The following AGBL1 variants were observed in gnomAD, a reference collection of about 807,000 sequenced individuals.
AGBL1 encodes the protein cytosolic carboxypeptidase 4.
In AGBL1, 130 loss-of-function variants were observed where a neutral mutation model predicts 118.9. That is an observed-to-expected ratio of 1.09 (90% CI 0.95 to 1.26). The LOEUF (loss-of-function observed/expected upper bound fraction) is 1.26. AGBL1 is among the 50% of genes most tolerant of loss of function. The pLI, the probability that AGBL1 is intolerant of heterozygous loss-of-function variation, is 0.00. For synonymous variants in AGBL1, 555 were observed against 478.9 expected (o/e 1.16, Z -2.08); for missense variants, 1,584 against 1,298.1 (o/e 1.22, Z -3.38).
chr15:86,593,162 G>A (rs1258409099), intron 21 of AGBL1, among the ~76,000 whole-genome samples: 7 of 152,092 alleles, frequency 4.6e-5, no homozygotes, highest in Non-Finnish European at 1.5e-5. Context: ...CCTTCATGCT[G>A]CTGCTTTTTC....
chr15:86,859,594 T>C (rs1277560975), intron 22 of AGBL1, among the ~76,000 whole-genome samples: 1 of 152,176 alleles, frequency 6.6e-6, no homozygotes, highest in Non-Finnish European at 1.5e-5. Flanking sequence ...GGTAAGGCAT[T>C]CTGCTATCTG....
chr15:86,837,468 C>A (rs544783063), intron 22 of AGBL1, among the ~76,000 whole-genome samples: 4 of 152,244 alleles, frequency 2.6e-5, no homozygotes, highest in Admixed American at 2.0e-4. Context: ...ACAGCCACAG[C>A]CTTTTGTTTA....
In AGBL1 at chr15:86,661,292, CGCTGT is replaced by C. The variant is rs150831072; in HGVS notation, c.2995-12977_2995-12973del. Among the ~76,000 whole-genome samples, 378 of 152,172 alleles carry C rather than the reference CGCTGT, an allele frequency of 2.5e-3. 1 individual carries two copies. Among genetic ancestry groups the C allele is most frequent in the African/African-American group, 8.7e-3 (360 of 41,544 alleles). On this transcript the variant is annotated intron_variant, in intron 21 of 22. Transcript: ENST00000614907. ...CTCTAAAATGACACCCTGTACCAAACGCTGTGCTAGAGATGTAGAAATAAAGGCAA... is the reference window on the plus strand; with the variant it reads ...CTCTAAAATGACACCCTGTACCAAACGCTAGAGATGTAGAAATAAAGGCAA...
intron 21 of AGBL1, among the ~76,000 whole-genome samples, chr15:86,592,282 G>A (rs1169633022): frequency 2.0e-5 from 3 of 152,154 alleles, no homozygotes; most frequent in Admixed American, 6.5e-5. Context: ...CAGCAAACTC[G>A]ATTCTTGCCT....
At chr15:86,182,739 G>A (rs146458646) in intron 5 of AGBL1, among the ~76,000 whole-genome samples, 186 of 152,098 alleles carry the variant, frequency 1.2e-3, no homozygotes, top group Non-Finnish European at 2.3e-3. Flanking sequence ...AAGTCACATT[G>A]GATTATGCTG....
intron 18 of AGBL1, among the ~76,000 whole-genome samples, chr15:86,407,544 C>A (rs970280237): frequency 6.6e-6 from 1 of 152,080 alleles, no homozygotes; most frequent in African/African-American, 2.4e-5. Flanking sequence ...AAGGTCATTC[C>A]AGAACAGAAA....
At chr15:86,563,464 T>G (rs2083861604) in intron 21 of AGBL1, among the ~76,000 whole-genome samples, 1 of 152,132 alleles carries the variant, frequency 6.6e-6, no homozygotes, top group Admixed American at 6.5e-5. Context: ...TTGAGTGAGT[T>G]TTTAATCCTG....
At chr15:86,284,861 C>A (rs1237813188) in intron 16 of AGBL1, among the ~76,000 whole-genome samples, 3 of 152,274 alleles carry the variant, frequency 2.0e-5, no homozygotes, top group South Asian at 4.1e-4. Flanking sequence ...CAGGATGAGG[C>A]TGCAGGCTAA....
At chr15:86,270,623 C>T (rs564138731) in intron 14 of AGBL1, among the ~76,000 whole-genome samples, 1 of 152,256 alleles carries the variant, frequency 6.6e-6, no homozygotes, top group Admixed American at 6.5e-5. Context: ...TGCTGGGTGG[C>T]TTTGAATGAG....
At chr15:86,716,061 G>A (rs1378209990) in intron 22 of AGBL1, among the ~76,000 whole-genome samples, 8 of 106,430 alleles carry the variant, frequency 7.5e-5, no homozygotes, top group Non-Finnish European at 1.2e-4. Flanking sequence ...GCAAGACTCC[G>A]TCTCAAAAAA....
rs142282723 is a variant in AGBL1 at position 86,841,229 on chromosome 15, C to T, written c.3159-65858C>T. Among the ~76,000 whole-genome samples the T allele has an allele frequency of 2.5e-3, 377 of 152,234 alleles. 2 individuals are homozygous for T. Among genetic ancestry groups the T allele is most frequent in the African/African-American group, 8.6e-3 (357 of 41,540 alleles). On this transcript the variant is annotated intron_variant, in intron 22 of 22. Coordinates refer to ENST00000614907, the MANE Select transcript of AGBL1 (RefSeq NM_001386094.1). Reference sequence around the variant, plus strand: ...CCAAACAGATAAAATACAAGTGTTGCTGAGACCACCCAGGCATGTATCATT... The same window carrying T: ...CCAAACAGATAAAATACAAGTGTTGTTGAGACCACCCAGGCATGTATCATT...
chr15:86,460,483 G>A (rs1159674076), intron 18 of AGBL1, among the ~76,000 whole-genome samples: 1 of 151,724 alleles, frequency 6.6e-6, no homozygotes, highest in Non-Finnish European at 1.5e-5. Context: ...GCAACACACA[G>A]AACAATCCCT....
intron 22 of AGBL1, among the ~76,000 whole-genome samples, chr15:86,719,890 G>C (rs934361877): frequency 6.6e-6 from 1 of 152,200 alleles, no homozygotes; most frequent in Non-Finnish European, 1.5e-5. Context: ...GCACATGCTA[G>C]TGCTCTCTTG....
chr15:86,861,424 G>A (rs2079557526), intron 22 of AGBL1, among the ~76,000 whole-genome samples: 1 of 152,114 alleles, frequency 6.6e-6, no homozygotes, highest in South Asian at 2.1e-4. Context: ...TTTTGAGTTA[G>A]GTTATGTTAT....
intron 17 of AGBL1, among the ~76,000 whole-genome samples, chr15:86,337,638 T>A (rs549688328): frequency 6.6e-6 from 1 of 152,126 alleles, no homozygotes; most frequent in East Asian, 1.9e-4. Flanking sequence ...TTCCGACTTA[T>A]AAGTGGGAGC....
chr15:86,093,211 T>A (rs1896147455), intron 1 of AGBL1, among the ~76,000 whole-genome samples: 1 of 152,180 alleles, frequency 6.6e-6, no homozygotes, highest in Non-Finnish European at 1.5e-5. Context: ...CATAGAGCCA[T>A]TCTTCAACTC....
Position 86,632,334 on chromosome 15 carries a change from G to A in AGBL1, c.2995-41939G>A, listed in dbSNP as rs143595757. Among the ~76,000 whole-genome samples, 981 of 150,742 alleles carry A rather than the reference G, an allele frequency of 6.5e-3. 5 individuals carry two copies. Among genetic ancestry groups the A allele is most frequent in the South Asian group, 0.029 (137 of 4,768 alleles). On this transcript the variant is annotated intron_variant, in intron 21 of 22. Coordinates refer to ENST00000614907, the MANE Select transcript of AGBL1 (RefSeq NM_001386094.1). ...TGGCTTATGCCTGTAATCCAGCACT[G>A]TGGGAGACTGAGGCAGGGAAATCGC...
chr15:86,370,995 CTT>C lies in AGBL1; in HGVS notation c.2375-26369_2375-26368del, dbSNP rs546161833. ...AGCAGTGCTCAAGCTATAGACCTGA[CTT>C]TGAGAATCATCAGCATTCAGATGAT... On this transcript the variant is annotated intron_variant, in intron 17 of 22. Transcript: ENST00000614907. Among the ~76,000 whole-genome samples the C allele has an allele frequency of 6.0e-4, 92 of 152,244 alleles. 1 individual carries two copies. The highest frequency in any genetic ancestry group is 2.2e-3 in the African/African-American group (90 of 41,538).
chr15:86,143,589 G>C, intron 2 of AGBL1, 110 bp from the exon 3 acceptor site: 1 of 1,352,358 alleles, frequency 7.4e-7, no homozygotes, highest in Non-Finnish European at 1.0e-6. Context: ...ATTTTACGTA[G>C]TTGAAATGAA....
Sources: allele counts gnomAD v4.1 joint callset (sites outside exome capture counted in the v4.1 genomes callset), GRCh38; gene constraint gnomAD v4.1.1; transcripts MANE v1.5; gene names NCBI Gene and HGNC (gene_info 2026-07-23, HGNC 2026-07-21).